The following MRPL9 variants were observed in gnomAD, a reference collection of about 807,000 sequenced individuals.
The protein encoded by MRPL9 is large ribosomal subunit protein bL9m.
A neutral mutation model predicts 27.6 loss-of-function variants in MRPL9; 25 were observed. That is an observed-to-expected ratio of 0.91 (90% CI 0.66 to 1.27). The LOEUF (loss-of-function observed/expected upper bound fraction) is 1.27. Ranked by LOEUF, MRPL9 falls within the 50% of genes most tolerant of loss-of-function variation. MRPL9 has a pLI of 0.00. For missense variants in MRPL9, 362 were observed against 338.0 expected (o/e 1.07, Z -0.56); for synonymous variants, 154 against 139.0 (o/e 1.11, Z -0.76).
chr1:151,762,379 T>C lies in MRPL9; in HGVS notation c.432A>G (p.Lys144=). The C allele has an allele frequency of 6.2e-7, 1 of 1,614,148 alleles. No homozygotes were observed. Among genetic ancestry groups the C allele is most frequent in the East Asian group, 2.2e-5 (1 of 44,876 alleles). Residue 144 remains lysine, a synonymous_variant, in exon 3 of 7, where the codon AAA becomes AAG. Transcript: ENST00000368830. ...PENKKLFEEE[K]LLRQEGKLEK... ...TCTGTCCTTCCTTTGAGCTCACCAA[T>C]TTCTCCTCTTCAAACAGCTTCTTGT...
Position 151,763,096 on chromosome 1 carries a change from G to A in MRPL9, c.204C>T (p.Gly68=). 6.2e-7 allele frequency: 1 copy of A among 1,613,568 alleles called. No individual in the cohort carries two copies. The highest frequency in any genetic ancestry group is 2.2e-5 in the East Asian group (1 of 44,838). Residue 68 remains glycine, a synonymous_variant, in exon 2 of 7, where the codon GGC becomes GGT. Transcript: ENST00000368830. The part of the protein sequence containing the change: ...RWWKVPLAGE[G]RKPRLHRRHR... Reference sequence around the variant, plus strand: ...GTCGCCGGTGCAGGCGCGGCTTCCGGCCCTCCCCGGCCAGCGGTACCTTCC... The same window carrying A: ...GTCGCCGGTGCAGGCGCGGCTTCCGACCCTCCCCGGCCAGCGGTACCTTCC...
In MRPL9 at chr1:151,760,143, G is replaced by A. The variant is rs773324611; in HGVS notation, c.711C>T (p.Val237=). ...TGGTCTTGGGCTTCTCAAAGTTCAC[G>A]ACAGACATAGGCACTCTCACAGTAT... ...GLDTVRVPMS[V]VNFEKPKTKR... is the part of the protein sequence containing the mutation. The change falls in exon 7 of 7, where the codon GTC becomes GTT. Residue 237 remains valine (V), a synonymous_variant. Transcript: ENST00000368830. The A allele has an allele frequency of 1.7e-5, 28 of 1,613,978 alleles. No homozygotes were observed. Among genetic ancestry groups the A allele is most frequent in the Middle Eastern group, 1.6e-4 (1 of 6,084 alleles).
chr1:151,763,013 A>G lies in MRPL9; in HGVS notation c.287T>C (p.Leu96Pro), dbSNP rs1648177379. ...TKHRPKENLE[L>P]ILTQSVENVG... is the part of the protein sequence containing the mutation. ...ACTCTCCACCGACTGCGTCAGGATGAGCTCCAGGTTTTCTTTGGGCCGATG... is the reference window on the plus strand; with the variant it reads ...ACTCTCCACCGACTGCGTCAGGATGGGCTCCAGGTTTTCTTTGGGCCGATG... Residue 96 changes from leucine (L) to proline (P), a missense_variant, in exon 2 of 7, where the codon CTC becomes CCC. Transcript: ENST00000368830. The G allele has an allele frequency of 6.2e-7, 1 of 1,614,050 alleles. No homozygotes were observed. The highest frequency in any genetic ancestry group is 1.3e-5 in the African/African-American group (1 of 74,942).
At chr1:151,762,643 G>C in intron 2 of MRPL9, 143 bp from the exon 3 acceptor site, 3 of 825,860 alleles carry the variant, frequency 3.6e-6, no homozygotes, top group Non-Finnish European at 5.5e-6. Context: ...CTAGGAACAA[G>C]ATTTAAGAGA....
At chr1:151,761,844 G>A in intron 4 of MRPL9, 1 of 592,716 alleles carries the variant, frequency 1.7e-6, no homozygotes. Context: ...TATCCTTGAA[G>A]GCAGAGCCCT....
At chr1:151,762,304 C>A in intron 3 of MRPL9, 72 bp downstream of exon 3, 2 of 1,602,732 alleles carry the variant, frequency 1.2e-6, no homozygotes, top group South Asian at 2.2e-5. Context: ...AGTTAAATGT[C>A]AAAGGGAAGG....
rs755031728 is a variant in MRPL9, at chr1:151,760,903, C to CAAAAAAAAAAAAAAAAAAAAAAA, written c.589-27_589-5dup. On this transcript the variant is annotated splice_polypyrimidine_tract_variant and splice_region_variant and intron_variant, in intron 5 of 6. Transcript: ENST00000368830. ...GTGGGGCAACCACAACACCAAGCTG[C>CAAAAAAAAAAAAAAAAAAAAAAA]AAAAAAAAAAAAAAAAAAAAAAATC... 94 of 953,858 alleles carry CAAAAAAAAAAAAAAAAAAAAAAA rather than the reference C, an allele frequency of 9.9e-5. No homozygotes were observed. Among genetic ancestry groups the CAAAAAAAAAAAAAAAAAAAAAAA allele is most frequent in the African/African-American group, 3.9e-4 (14 of 35,854 alleles). 59.1% of individuals were successfully genotyped at this position (953,858 alleles called of 1,614,324 possible).
intron 5 of MRPL9, 147 bp from the exon 6 acceptor site, chr1:151,761,046 T>C (rs1648050926): frequency 1.5e-6 from 1 of 672,706 alleles, no homozygotes; most frequent in East Asian, 2.8e-5. Flanking sequence ...GCTGATTCCA[T>C]GGGAGAGAAG....
intron 2 of MRPL9, chr1:151,762,705 T>C (rs1355524486): frequency 3.0e-6 from 2 of 658,526 alleles, no homozygotes; most frequent in East Asian, 2.8e-5. Flanking sequence ...ATCCCCTGTA[T>C]AGAGGGAGTT....
At position 151,763,311 on chromosome 1, in the gene MRPL9, C is replaced by A; in HGVS notation, c.153+16G>T. 6.3e-7 allele frequency: 1 copy of A among 1,593,906 alleles called. No homozygotes were observed. Among genetic ancestry groups the A allele is most frequent in the Non-Finnish European group, 8.6e-7 (1 of 1,169,096 alleles). On this transcript the variant is annotated intron_variant, in intron 1 of 6. Coordinates refer to ENST00000368830, the MANE Select transcript of MRPL9 (RefSeq NM_031420.4). ...ACTCGAGCGTATCTACCCCCTACCC[C>A]AGACTCAGCCCTCACCCGATTTTGA...
chr1:151,761,067 T>C (rs1000681460), intron 5 of MRPL9, 168 bp from the exon 6 acceptor site: 1 of 610,112 alleles, frequency 1.6e-6, no homozygotes, highest in Non-Finnish European at 2.8e-6. Context: ...GGCATACACC[T>C]TCATAGACGG....
Position 151,763,414 on chromosome 1 carries a change from A to AAGCAGCCGTCCAGCGCCCGCCCGC in MRPL9, c.42_65dup (p.Ala16_Arg23dup). 1 of 1,565,680 alleles carries AAGCAGCCGTCCAGCGCCCGCCCGC rather than the reference A, an allele frequency of 6.4e-7. No homozygotes were observed. Among genetic ancestry groups the AAGCAGCCGTCCAGCGCCCGCCCGC allele is most frequent in the Non-Finnish European group, 8.7e-7 (1 of 1,154,802 alleles). Reference sequence around the variant, plus strand: ...GCAGTAGCTCCTGGACGCCTCCCCGAAGCAGCCGTCCAGCGCCCGCCCGCA... The same window carrying AAGCAGCCGTCCAGCGCCCGCCCGC: ...GCAGTAGCTCCTGGACGCCTCCCCGAAGCAGCCGTCCAGCGCCCGCCCGCAGCAGCCGTCCAGCGCCCGCCCGCA... On this transcript the variant is annotated inframe_insertion, in exon 1 of 7. Transcript: ENST00000368830.
rs769968834 is a variant in MRPL9, at chr1:151,762,516, G to A, written c.311-16C>T. 6.8e-6 allele frequency: 11 copies of A among 1,613,282 alleles called. No homozygotes were observed. In the South Asian group the frequency reaches 1.2e-4, roughly 18 times the overall value. ...ACTCCAACATCTGTCAATTAGAACA[G>A]AGACAGGGGAATTAGAACCATCTAG... On this transcript the variant is annotated splice_polypyrimidine_tract_variant and intron_variant, in intron 2 of 6. Coordinates refer to ENST00000368830, the MANE Select transcript of MRPL9 (RefSeq NM_031420.4).
intron 4 of MRPL9, 74 bp downstream of exon 4, chr1:151,762,031 G>A (rs887429513): frequency 2.1e-6 from 3 of 1,462,436 alleles, no homozygotes; most frequent in South Asian, 1.1e-5. Context: ...GAGACCTCAA[G>A]GGAATCAGGG....
At chr1:151,763,218 C>A (rs1005486035) in intron 1 of MRPL9, 72 bp from the exon 2 acceptor site, 2 of 1,553,872 alleles carry the variant, frequency 1.3e-6, no homozygotes, top group African/African-American at 1.4e-5. Flanking sequence ...CGGCCGCCAG[C>A]CCCTCAAGGA....
In MRPL9 at chr1:151,760,686, G is replaced by A. The variant is rs79198441; in HGVS notation, c.672+130C>T. The A allele has an allele frequency of 0.081, 61,984 of 767,390 alleles. 2,750 individuals are homozygous for A. The highest frequency in any genetic ancestry group is 0.088 in the Non-Finnish European group (44,934 of 509,220). The allele number at this position is 767,390 out of a possible 1,614,324, so 47.5% of individuals were successfully genotyped here. A position where few individuals can be genotyped will look rare whatever the true frequency, so the allele number is the denominator to read the frequency against. ...CTTGGGAGGCTGAGGTGGGAGGATCGCTTGAACCCAGGAGTTTGAATCCAG... is the reference window on the plus strand; with the variant it reads ...CTTGGGAGGCTGAGGTGGGAGGATCACTTGAACCCAGGAGTTTGAATCCAG... On this transcript the variant is annotated intron_variant, in intron 6 of 6. Transcript: ENST00000368830.
At chr1:151,760,212 A>G in intron 6 of MRPL9, 31 bp from the exon 7 acceptor site, 1 of 1,613,738 alleles carries the variant, frequency 6.2e-7, no homozygotes, top group Non-Finnish European at 8.5e-7. Flanking sequence ...ATTCTCAGAG[A>G]TCAGTCAGGT....
intron 2 of MRPL9, 161 bp from the exon 3 acceptor site, chr1:151,762,661 T>A: frequency 1.4e-6 from 1 of 729,854 alleles, no homozygotes; most frequent in Non-Finnish European, 2.2e-6. Flanking sequence ...AGACTGCTAA[T>A]TAGTTTCTTT....
chr1:151,760,887 C>T lies in MRPL9; in HGVS notation c.601G>A (p.Val201Ile), dbSNP rs1648033674. Residue 201 changes from valine (V) to isoleucine (I), a missense_variant, in exon 6 of 7, where the codon GTT becomes ATT. By Grantham distance (29) the Val-to-Ile change is conservative (BLOSUM62 3). Coordinates refer to ENST00000368830, the MANE Select transcript of MRPL9 (RefSeq NM_031420.4). Reference protein sequence around the residue: ...RHFFKNLGVVVAPHTLKLPEE... With the variant: ...RHFFKNLGVVIAPHTLKLPEE... ...GGTAACTTTAATGTATGTGGGGCAA[C>T]CACAACACCAAGCTGCAAAAAAAAA... 1 of 1,494,546 alleles carries T rather than the reference C, an allele frequency of 6.7e-7. No homozygotes were observed. Among genetic ancestry groups the T allele is most frequent in the African/African-American group, 1.6e-5 (1 of 62,932 alleles). The allele number at this position is 1,494,546 out of a possible 1,614,324, so 92.6% of individuals were successfully genotyped here. A position where few individuals can be genotyped will look rare whatever the true frequency, so the allele number is the denominator to read the frequency against.
Sources: allele counts gnomAD v4.1 joint callset, GRCh38; gene constraint gnomAD v4.1.1; transcripts MANE v1.5; gene names NCBI Gene and HGNC (gene_info 2026-07-23, HGNC 2026-07-21).